Variants in PRKCE observed in about 807,000 individuals in gnomAD.
PRKCE encodes the protein protein kinase C epsilon type.
A neutral mutation model predicts 85.4 loss-of-function variants in PRKCE; 16 were observed. The observed-to-expected ratio is 0.19, with a 90% CI of 0.13 to 0.28. The LOEUF is 0.28. Among genes scored for constraint, PRKCE ranks in the 10% least tolerant of loss-of-function variants. PRKCE has a pLI of 1.00. For missense variants in PRKCE, 573 were observed against 975.2 expected (o/e 0.59, Z 5.49); for synonymous variants, 388 against 371.5 (o/e 1.04, Z -0.51).
At chr2:45,712,308 C>G (rs916548006) in intron 1 of PRKCE, among the ~76,000 whole-genome samples, 12 of 152,032 alleles carry the variant, frequency 7.9e-5, no homozygotes, top group Non-Finnish European at 1.8e-4. Flanking sequence ...CCACCACGCC[C>G]AGCTACAGCT....
At chr2:45,991,450 A>G (rs578218035) in intron 6 of PRKCE, among the ~76,000 whole-genome samples, 150 of 152,288 alleles carry the variant, frequency 9.8e-4, no homozygotes, top group African/African-American at 3.5e-3. Flanking sequence ...TGTTAATTCA[A>G]TCCTCCGTGC....
chr2:45,964,974 A>G (rs1452470253), intron 2 of PRKCE, among the ~76,000 whole-genome samples: 1 of 152,216 alleles, frequency 6.6e-6, no homozygotes, highest in Non-Finnish European at 1.5e-5. Flanking sequence ...AGTGAAGAGG[A>G]AGGAGAAACA....
chr2:45,850,152 T>G (rs1331979942), intron 2 of PRKCE, among the ~76,000 whole-genome samples: 2 of 152,058 alleles, frequency 1.3e-5, no homozygotes, highest in South Asian at 2.1e-4. Context: ...GAATCTTGAG[T>G]GTTTGGAGAG....
intron 1 of PRKCE, among the ~76,000 whole-genome samples, chr2:45,816,660 TC>T (rs1363207155): frequency 6.6e-6 from 1 of 152,226 alleles, no homozygotes; most frequent in East Asian, 1.9e-4. Flanking sequence ...AATCTTCCTT[TC>T]CTCTGTGCAC....
chr2:46,164,879 G>C (rs949867318), intron 14 of PRKCE: 4 of 152,306 alleles, frequency 2.6e-5, no homozygotes, highest in Non-Finnish European at 5.9e-5. Flanking sequence ...CAGCTTTCAG[G>C]CCTGACTTCC....
At chr2:45,743,250 G>A (rs1231134140) in intron 1 of PRKCE, among the ~76,000 whole-genome samples, 1 of 152,104 alleles carries the variant, frequency 6.6e-6, no homozygotes, top group East Asian at 1.9e-4. Flanking sequence ...TGCCAAGAGG[G>A]TGGATCTTAA....
At chr2:46,178,969 A>T (rs1374242051) in intron 14 of PRKCE, among the ~76,000 whole-genome samples, 1 of 152,130 alleles carries the variant, frequency 6.6e-6, no homozygotes, top group Non-Finnish European at 1.5e-5. Flanking sequence ...GGGACCTAGA[A>T]GGATGCTGGC....
At chr2:46,092,542 A>G (rs1670272611) in intron 11 of PRKCE, among the ~76,000 whole-genome samples, 1 of 152,212 alleles carries the variant, frequency 6.6e-6, no homozygotes, top group Admixed American at 6.5e-5. Flanking sequence ...TGATGTTTAT[A>G]AAAAGTCAGA....
chr2:45,796,861 T>A (rs1177383468), intron 1 of PRKCE, among the ~76,000 whole-genome samples: 1 of 152,200 alleles, frequency 6.6e-6, no homozygotes, highest in Non-Finnish European at 1.5e-5. Flanking sequence ...CAAGTGATCC[T>A]CGCGCCTCAG....
chr2:45,922,995 TA>T (rs1486207850), intron 2 of PRKCE, among the ~76,000 whole-genome samples: 1 of 152,122 alleles, frequency 6.6e-6, no homozygotes, highest in Non-Finnish European at 1.5e-5. Flanking sequence ...TTCCTCAAGA[TA>T]TAAGAGGAGA....
At chr2:45,891,617 T>C (rs1695726762) in intron 2 of PRKCE, among the ~76,000 whole-genome samples, 1 of 152,206 alleles carries the variant, frequency 6.6e-6, no homozygotes, top group Non-Finnish European at 1.5e-5. Flanking sequence ...CTCCTTCGGC[T>C]TCTGTAGAAG....
At chr2:45,653,557 G>A (rs61762793) in intron 1 of PRKCE, among the ~76,000 whole-genome samples, 1,896 of 152,130 alleles carry the variant, frequency 0.012, 37 homozygotes, top group African/African-American at 0.043. Flanking sequence ...CTCAAAAGTG[G>A]TGTAGAGCAA....
In PRKCE at chr2:46,187,580, T is replaced by G. The variant is rs1422323919; in HGVS notation, c.*2699T>G. 1 of 150,106 alleles carries G rather than the reference T, an allele frequency of 6.7e-6. No homozygotes were observed. The highest frequency in any genetic ancestry group is 1.5e-5 in the Non-Finnish European group (1 of 67,704). The allele number at this position is 150,106 out of a possible 1,614,324, so 9.3% of individuals were successfully genotyped here. A position where few individuals can be genotyped will look rare whatever the true frequency, so the allele number is the denominator to read the frequency against. On this transcript the variant is annotated 3_prime_UTR_variant, in exon 15 of 15. Transcript: ENST00000306156. ...CTCTCTCTCTCAAAGAAAAAAAAAA[T>G]GGGAGTGCAAAAAAAACAAAGCCAA...
chr2:46,131,557 A>G (rs1384949769), intron 11 of PRKCE, among the ~76,000 whole-genome samples: 2 of 152,166 alleles, frequency 1.3e-5, no homozygotes, highest in Non-Finnish European at 2.9e-5. Context: ...TGGGGAGGAA[A>G]GAGAGGGCCC....
intron 2 of PRKCE, among the ~76,000 whole-genome samples, chr2:45,946,516 C>T (rs923610937): frequency 6.6e-6 from 1 of 152,214 alleles, no homozygotes; most frequent in Non-Finnish European, 1.5e-5. Flanking sequence ...CCAAAGACAT[C>T]AGCCTTCCAG....
Position 45,984,676 on chromosome 2 carries a change from T to C in PRKCE, c.819T>C (p.Cys273=). Residue 273 remains cysteine, a synonymous_variant, in exon 6 of 15, where the codon TGT becomes TGC. Coordinates refer to ENST00000306156, the MANE Select transcript of PRKCE (RefSeq NM_005400.3). ...LWGLLRQGLQ[C]KVCKMNVHRR... ...GACTCTTGCGGCAGGGTTTGCAGTG[T>C]AAAGGTAAGTTGCTCCCTGCCCTGC... The C allele has an allele frequency of 1.3e-6, 2 of 1,598,368 alleles. No individual in the cohort carries two copies. The highest frequency in any genetic ancestry group is 1.7e-6 in the Non-Finnish European group (2 of 1,178,958).
chr2:45,963,469 C>T (rs1045673889), intron 2 of PRKCE, among the ~76,000 whole-genome samples: 9 of 152,036 alleles, frequency 5.9e-5, no homozygotes, highest in African/African-American at 9.7e-5. Context: ...CCACCACGCC[C>T]GGCTAATTTT....
intron 10 of PRKCE, among the ~76,000 whole-genome samples, chr2:46,082,701 G>A (rs1407066356): frequency 1.3e-5 from 2 of 152,180 alleles, no homozygotes; most frequent in Admixed American, 1.3e-4. Context: ...CCATGAGAGA[G>A]GCAGAGAAAA....
At position 45,679,461 on chromosome 2, in the gene PRKCE, C is replaced by A. The variant is rs576840712; in HGVS notation, c.348+27013C>A. Among the ~76,000 whole-genome samples the A allele has an allele frequency of 3.3e-5, 5 of 152,218 alleles. No homozygotes were observed. The East Asian group carries it at 9.6e-4, about 29-fold the overall frequency. On this transcript the variant is annotated intron_variant, in intron 1 of 14. Transcript: ENST00000306156. ...AATAATTCTGCCCTCAGTTTGCAAT[C>A]TAACAGGGAAAATAAAGTCCATATA...
Sources: allele counts gnomAD v4.1 joint callset (sites outside exome capture counted in the v4.1 genomes callset), GRCh38; gene constraint gnomAD v4.1.1; transcripts MANE v1.5; gene names NCBI Gene and HGNC (gene_info 2026-07-23, HGNC 2026-07-21).